LMBRD1: variants seen among roughly 807,000 people sequenced by gnomAD.
LMBRD1 encodes the protein LMBR1 domain containing 1.
In LMBRD1, 64 loss-of-function variants were observed where a neutral mutation model predicts 74.8. The observed-to-expected ratio is 0.86, with a 90% CI of 0.70 to 1.05. LMBRD1 has a LOEUF of 1.05. LMBRD1 is among the 50% of genes least tolerant of loss of function. The pLI is 0.00. For synonymous variants in LMBRD1, 204 were observed against 216.3 expected (o/e 0.94, Z 0.50); for missense variants, 652 against 645.9 (o/e 1.01, Z -0.10).
chr6:69,696,863 T>A (rs1428367579), intron 14 of LMBRD1, among the ~76,000 whole-genome samples: 1 of 152,188 alleles, frequency 6.6e-6, no homozygotes, highest in African/African-American at 2.4e-5. Flanking sequence ...ATACACTATA[T>A]TTGACACATT....
intron 9 of LMBRD1, among the ~76,000 whole-genome samples, chr6:69,706,605 C>T (rs534225338): frequency 2.6e-5 from 4 of 152,168 alleles, no homozygotes; most frequent in Non-Finnish European, 4.4e-5. Flanking sequence ...GTAAGTTATA[C>T]CTTACTGATT....
At chr6:69,736,898 G>A (rs1228544535) in intron 7 of LMBRD1, among the ~76,000 whole-genome samples, 1 of 152,122 alleles carries the variant, frequency 6.6e-6, no homozygotes, top group East Asian at 1.9e-4. Flanking sequence ...GAGATAGAAG[G>A]ATAATCACCC....
chr6:69,676,377 AT>A (rs1765545345), intron 15 of LMBRD1, 72 bp downstream of exon 15: 10 of 1,574,552 alleles, frequency 6.4e-6, no homozygotes, highest in Non-Finnish European at 7.8e-6. Flanking sequence ...GCCTAGTAAG[AT>A]AAAAAGAGTT....
At chr6:69,688,747 A>T (rs1176497176) in intron 14 of LMBRD1, among the ~76,000 whole-genome samples, 12 of 61,954 alleles carry the variant, frequency 1.9e-4, no homozygotes, top group East Asian at 9.2e-4. Context: ...ATATTTATTT[A>T]AAAAAAATAA....
Position 69,676,016 on chromosome 6 carries a change from A to T in LMBRD1, c.*142T>A. Reference sequence around the variant, plus strand: ...ATGATACAATGTTACTTCAGAAAACATATAATAAAATATAGTTGTCTTATA... The same window carrying T: ...ATGATACAATGTTACTTCAGAAAACTTATAATAAAATATAGTTGTCTTATA... On this transcript the variant is annotated 3_prime_UTR_variant, in exon 16 of 16. Coordinates refer to ENST00000649934, the MANE Select transcript of LMBRD1 (RefSeq NM_018368.4). 1.5e-6 allele frequency: 1 copy of T among 675,904 alleles called. No individual in the cohort carries two copies. Among genetic ancestry groups the T allele is most frequent in the Non-Finnish European group, 2.6e-6 (1 of 379,208 alleles). 41.9% of individuals were successfully genotyped at this position (675,904 alleles called of 1,614,324 possible).
At chr6:69,762,678 G>A (rs1351391156) in intron 3 of LMBRD1, among the ~76,000 whole-genome samples, 1 of 152,068 alleles carries the variant, frequency 6.6e-6, no homozygotes, top group East Asian at 1.9e-4. Flanking sequence ...TTGGAGGTGG[G>A]GTCTTTGGGG....
In LMBRD1 at chr6:69,726,765, G is replaced by A. The variant is rs1181317806; in HGVS notation, c.637-7684C>T. ...GAGGCAGTGGGAGGCAGGTAAGGAT[G>A]GTTACTAGGTACAAAAAAAAAAAAA... is the stretch of plus-strand genomic sequence containing the variant. On this transcript the variant is annotated intron_variant, in intron 7 of 15. Coordinates refer to ENST00000649934, the MANE Select transcript of LMBRD1 (RefSeq NM_018368.4). Among the ~76,000 whole-genome samples, 9 of 140,640 alleles carry A rather than the reference G, an allele frequency of 6.4e-5. No homozygotes were observed. The Admixed American group carries it at 6.6e-4, about 10-fold the overall frequency. The allele number at this position is 140,640 out of a possible 152,430, so 92.3% of individuals were successfully genotyped here.
intron 6 of LMBRD1, 137 bp downstream of exon 6, chr6:69,741,652 G>A: frequency 2.0e-5 from 11 of 557,610 alleles, no homozygotes; most frequent in Non-Finnish European, 2.9e-5. Flanking sequence ...GCCTCCCAAA[G>A]TGCTAGGATT....
At chr6:69,752,438 C>G (rs1471189757) in intron 3 of LMBRD1, 82 bp from the exon 4 acceptor site, 5 of 1,143,004 alleles carry the variant, frequency 4.4e-6, no homozygotes, top group Non-Finnish European at 6.4e-6. Flanking sequence ...TATATATATT[C>G]ACTTAACAAA....
At chr6:69,781,219 G>A (rs1165988297) in intron 2 of LMBRD1, among the ~76,000 whole-genome samples, 1 of 152,094 alleles carries the variant, frequency 6.6e-6, no homozygotes, top group African/African-American at 2.4e-5. Context: ...ACTAAGCTTA[G>A]AAAATATAAT....
intron 9 of LMBRD1, among the ~76,000 whole-genome samples, chr6:69,703,046 G>A (rs1243698425): frequency 2.6e-5 from 4 of 152,034 alleles, no homozygotes; most frequent in Admixed American, 1.3e-4. Flanking sequence ...GAGAGTTGAC[G>A]AGAGGGGTCC....
intron 9 of LMBRD1, chr6:69,705,875 G>A (rs756635932): frequency 2.1e-5 from 28 of 1,343,548 alleles, no homozygotes; most frequent in African/African-American, 2.9e-5. Flanking sequence ...ACCACTGGTG[G>A]TGTTATTTCA....
At chr6:69,741,720 C>A in intron 6 of LMBRD1, 69 bp downstream of exon 6, 3 of 903,080 alleles carry the variant, frequency 3.3e-6, no homozygotes, top group East Asian at 2.7e-5. Flanking sequence ...TACAAATAAA[C>A]TGCTTCTCAA....
intron 9 of LMBRD1, among the ~76,000 whole-genome samples, chr6:69,703,379 C>T (rs1408165072): frequency 2.0e-5 from 3 of 150,430 alleles, no homozygotes; most frequent in Admixed American, 1.3e-4. Context: ...CTATGAAATG[C>T]CAATTAGTAG....
At chr6:69,757,244 T>C (rs981083292) in intron 3 of LMBRD1, among the ~76,000 whole-genome samples, 6 of 152,146 alleles carry the variant, frequency 3.9e-5, no homozygotes, top group Non-Finnish European at 7.4e-5. Flanking sequence ...AGTTTGAGAA[T>C]GGACAACACT....
chr6:69,700,691 T>A (rs2149844396), intron 12 of LMBRD1, 74 bp downstream of exon 12: 1 of 1,042,514 alleles, frequency 9.6e-7, no homozygotes, highest in East Asian at 2.9e-5. Flanking sequence ...ATATTCTAAA[T>A]CTAAGATAAT....
At chr6:69,703,930 A>G (rs1445141759) in intron 9 of LMBRD1, among the ~76,000 whole-genome samples, 1 of 152,092 alleles carries the variant, frequency 6.6e-6, no homozygotes, top group African/African-American at 2.4e-5. Flanking sequence ...GACATTTTGT[A>G]GAGTCCAGGG....
chr6:69,745,420 G>A (rs1287282712), intron 5 of LMBRD1, among the ~76,000 whole-genome samples: 17 of 150,646 alleles, frequency 1.1e-4, no homozygotes, highest in Admixed American at 2.6e-4. Context: ...CACCGTGCCC[G>A]GCTAATTTTT....
intron 7 of LMBRD1, among the ~76,000 whole-genome samples, chr6:69,725,327 CA>C (rs1766705609): frequency 7.7e-6 from 1 of 129,444 alleles, no homozygotes; most frequent in Non-Finnish European, 1.6e-5. Flanking sequence ...ATCGAAATAG[CA>C]ATGACAATCT....
Sources: gnomAD v4.1 joint callset for allele counts (sites outside exome capture counted in the v4.1 genomes callset) on GRCh38, gnomAD v4.1.1 for gene constraint, MANE v1.5 for transcripts, NCBI Gene and HGNC (gene_info 2026-07-23, HGNC 2026-07-21) for gene names.